The following CCDC30 variants were observed in gnomAD, a reference collection of about 807,000 sequenced individuals.
The protein encoded by CCDC30 is coiled-coil domain-containing protein 30.
CCDC30 carries 70 observed loss-of-function variants against 100.2 expected under a neutral mutation model. The observed-to-expected ratio is 0.70, with a 90% CI of 0.58 to 0.85. CCDC30 has a LOEUF of 0.85. CCDC30 is among the 40% of genes least tolerant of loss of function. The probability of loss-of-function intolerance (pLI) is 0.00; values close to 1 mark genes in which losing one functional copy is unlikely to be tolerated. For synonymous variants in CCDC30, 233 were observed against 269.5 expected (o/e 0.86, Z 1.33); for missense variants, 652 against 771.2 (o/e 0.85, Z 1.83).
intron 11 of CCDC30, among the ~76,000 whole-genome samples, chr1:42,614,209 T>G (rs1646680871): frequency 6.6e-6 from 1 of 150,382 alleles, no homozygotes; most frequent in Admixed American, 6.6e-5. Context: ...GCCTCCCGAG[T>G]AGCTGGGACT....
At chr1:42,496,338 A>G (rs565816088) in intron 4 of CCDC30, among the ~76,000 whole-genome samples, 91 of 152,292 alleles carry the variant, frequency 6.0e-4, no homozygotes, top group Non-Finnish European at 1.0e-3. Flanking sequence ...CTAAAGAGAT[A>G]ATATTTAGCA....
chr1:42,490,086 G>C (rs1644114092), intron 3 of CCDC30, 72 bp from the exon 4 acceptor site: 1 of 514,588 alleles, frequency 1.9e-6, no homozygotes, highest in African/African-American at 2.0e-5. Flanking sequence ...TCCAGAGAGA[G>C]AGAGTCATTT....
intron 6 of CCDC30, among the ~76,000 whole-genome samples, chr1:42,535,340 G>T (rs1644874845): frequency 6.6e-6 from 1 of 151,930 alleles, no homozygotes; most frequent in Admixed American, 6.6e-5. Context: ...ATATGTCCAG[G>T]CATCATTATC....
At chr1:42,631,560 G>A (rs1169011737) in intron 11 of CCDC30, among the ~76,000 whole-genome samples, 1 of 152,202 alleles carries the variant, frequency 6.6e-6, no homozygotes, top group Non-Finnish European at 1.5e-5. Flanking sequence ...CTTCCTTTCA[G>A]GGCAGCGAGC....
At chr1:42,619,391 G>T (rs115550692) in intron 11 of CCDC30, among the ~76,000 whole-genome samples, 1 of 152,120 alleles carries the variant, frequency 6.6e-6, no homozygotes, top group African/African-American at 2.4e-5. Flanking sequence ...CCCTCTGAAG[G>T]TTCACTGAAA....
chr1:42,632,821 G>T (rs1470254066), intron 11 of CCDC30, among the ~76,000 whole-genome samples: 1 of 150,558 alleles, frequency 6.6e-6, no homozygotes, highest in East Asian at 2.0e-4. Flanking sequence ...ACAGTGTTCT[G>T]TTTTTTTCAG....
At chr1:42,643,537 C>T (rs1647628919) in intron 13 of CCDC30, among the ~76,000 whole-genome samples, 1 of 152,188 alleles carries the variant, frequency 6.6e-6, no homozygotes, top group Non-Finnish European at 1.5e-5. Flanking sequence ...CAGTCAGGAT[C>T]CAACACAATT....
At chr1:42,531,094 G>C (rs1644798662) in intron 6 of CCDC30, among the ~76,000 whole-genome samples, 1 of 151,682 alleles carries the variant, frequency 6.6e-6, no homozygotes, top group African/African-American at 2.4e-5. Flanking sequence ...GAGGTGATTG[G>C]ATCATGGGGG....
chr1:42,589,663 C>A, intron 10 of CCDC30, 180 bp downstream of exon 14: 1 of 524,378 alleles, frequency 1.9e-6, no homozygotes, highest in Non-Finnish European at 3.3e-6. Context: ...TAAGAGCTTA[C>A]AAAACAGTTG....
At chr1:42,489,503 G>A (rs17379506) in intron 3 of CCDC30, among the ~76,000 whole-genome samples, 34,035 of 152,112 alleles carry the variant, frequency 0.22, 4,902 homozygotes, top group Non-Finnish European at 0.31. Context: ...TCACTCTGTG[G>A]TTAGAAGTGA....
Position 42,563,585 on chromosome 1 carries a change from T to C in CCDC30, c.457-2711T>C, listed in dbSNP as rs540352552. Among the ~76,000 whole-genome samples the C allele has an allele frequency of 2.4e-4, 37 of 152,138 alleles. No individual in the cohort carries two copies. In the South Asian group the frequency reaches 7.7e-3, roughly 32 times the overall value. On this transcript the variant is annotated intron_variant, in intron 6 of 16. Transcript: ENST00000668663. ...GTATCCTGGTTTTTTTTAGAAGAAA[T>C]TTTTTTAAAAAGTGGCTGGGCGCGC...
downstream of CCDC30, chr1:42,654,242 G>A: frequency 1.9e-6 from 1 of 522,096 alleles, no homozygotes; most frequent in East Asian, 3.2e-5. Context: ...CCAAAATATT[G>A]ACTTTAGTTC....
In CCDC30 at chr1:42,498,802, T is replaced by A; in HGVS notation, c.358-16T>A. 1 of 1,199,208 alleles carries A rather than the reference T, an allele frequency of 8.3e-7. No homozygotes were observed. Among genetic ancestry groups the A allele is most frequent in the Non-Finnish European group, 1.0e-6 (1 of 956,168 alleles). The allele number at this position is 1,199,208 out of a possible 1,614,324, so 74.3% of individuals were successfully genotyped here. Reference sequence around the variant, plus strand: ...AAAATTGAGAAGTCTACAAGGTGTTTACTTTTGTATTTAAGGTTGAAAGAC... The same window carrying A: ...AAAATTGAGAAGTCTACAAGGTGTTAACTTTTGTATTTAAGGTTGAAAGAC... On this transcript the variant is annotated splice_polypyrimidine_tract_variant and intron_variant, in intron 5 of 16. Coordinates refer to ENST00000668663, the Ensembl canonical transcript of CCDC30.
intron 15 of CCDC30, among the ~76,000 whole-genome samples, chr1:42,650,741 C>G (rs1156428414): frequency 6.6e-6 from 1 of 152,002 alleles, no homozygotes; most frequent in Non-Finnish European, 1.5e-5. Flanking sequence ...ATCCTCCCAC[C>G]TCAGCCTTCC....
intron 6 of CCDC30, among the ~76,000 whole-genome samples, chr1:42,561,478 T>C (rs1268047618): frequency 6.6e-6 from 1 of 152,200 alleles, no homozygotes; most frequent in Non-Finnish European, 1.5e-5. Flanking sequence ...GAACTATTTA[T>C]GACAAACTCA....
At chr1:42,583,253 A>G (rs1196517166) in intron 9 of CCDC30, among the ~76,000 whole-genome samples, 1 of 152,200 alleles carries the variant, frequency 6.6e-6, no homozygotes, top group Non-Finnish European at 1.5e-5. Context: ...TAGTTTCACC[A>G]TAAATTTGAT....
intron 11 of CCDC30, among the ~76,000 whole-genome samples, chr1:42,618,977 G>C (rs1646779178): frequency 6.6e-6 from 1 of 152,026 alleles, no homozygotes; most frequent in Non-Finnish European, 1.5e-5. Context: ...TATTCTGTTG[G>C]CCAGAACTTA....
At chr1:42,457,541 TAC>T in the CCDC30 span, 1 of 605,208 alleles carries the variant, frequency 1.7e-6, no homozygotes, top group Non-Finnish European at 2.9e-6. Flanking sequence ...ATAATTACAA[TAC>T]AGAGTGATAA....
At chr1:42,605,302 G>A (rs1462201319) in intron 10 of CCDC30, among the ~76,000 whole-genome samples, 1 of 152,138 alleles carries the variant, frequency 6.6e-6, no homozygotes, top group Non-Finnish European at 1.5e-5. Flanking sequence ...TTGGTGAGGG[G>A]AGTATCTTTT....
Sources: allele counts gnomAD v4.1 joint callset (sites outside exome capture counted in the v4.1 genomes callset), GRCh38; gene constraint gnomAD v4.1.1; transcripts MANE v1.5; gene names NCBI Gene and HGNC (gene_info 2026-07-23, HGNC 2026-07-21).